The following DIP2C variants were observed in gnomAD, a reference collection of about 807,000 sequenced individuals.
DIP2C encodes the protein DIP2 acetate--CoA ligase C (putative).
In DIP2C, 33 loss-of-function variants were observed where a neutral mutation model predicts 192.4. That is an observed-to-expected ratio of 0.17 (90% confidence interval 0.13 to 0.23). The LOEUF is 0.23. Among genes scored for constraint, DIP2C ranks in the 10% least tolerant of loss-of-function variants. DIP2C has a pLI of 1.00. For missense variants in DIP2C, 1,537 were observed against 2,110.1 expected (o/e 0.73, Z 5.32); for synonymous variants, 979 against 864.1 (o/e 1.13, Z -2.33).
At chr10:565,639 T>C (rs532243126) in intron 1 of DIP2C, among the ~76,000 whole-genome samples, 1 of 152,344 alleles carries the variant, frequency 6.6e-6, no homozygotes, top group South Asian at 2.1e-4. Flanking sequence ...AAATGGTGTG[T>C]TTCCCGTTTG....
intron 1 of DIP2C, among the ~76,000 whole-genome samples, chr10:503,614 G>T (rs1011433625): frequency 6.6e-6 from 1 of 152,196 alleles, no homozygotes; most frequent in Non-Finnish European, 1.5e-5. Flanking sequence ...AAACCAGTGG[G>T]TGCTAACCAC....
At chr10:648,764 G>C (rs566212761) in intron 1 of DIP2C, among the ~76,000 whole-genome samples, 1 of 147,482 alleles carries the variant, frequency 6.8e-6, no homozygotes, top group African/African-American at 2.5e-5. Context: ...GAGAACAGAG[G>C]GAAACTGAGT....
chr10:610,324 G>C (rs1220879075), intron 1 of DIP2C, among the ~76,000 whole-genome samples: 1 of 152,204 alleles, frequency 6.6e-6, no homozygotes, highest in Admixed American at 6.5e-5. Context: ...CATGGGGAGA[G>C]GCTGGTAAGG....
chr10:618,838 G>A (rs7908574), intron 1 of DIP2C, among the ~76,000 whole-genome samples: 5,141 of 152,290 alleles, frequency 0.034, 281 homozygotes, highest in African/African-American at 0.11. Context: ...GGCTGAAGCC[G>A]CACGATCGCC....
intron 1 of DIP2C, among the ~76,000 whole-genome samples, chr10:574,510 G>T (rs1269735643): frequency 6.6e-6 from 1 of 152,112 alleles, no homozygotes; most frequent in African/African-American, 2.4e-5. Flanking sequence ...CAGCTAAATG[G>T]AAACAGGGTA....
At chr10:369,447 A>G in intron 18 of DIP2C, 47 bp downstream of exon 18, 1 of 1,480,896 alleles carries the variant, frequency 6.8e-7, no homozygotes, top group Non-Finnish European at 9.0e-7. Flanking sequence ...GTGTTAGAAA[A>G]GCATTTAATA....
intron 3 of DIP2C, among the ~76,000 whole-genome samples, chr10:453,628 T>C (rs531176077): frequency 1.4e-4 from 22 of 152,318 alleles, no homozygotes; most frequent in South Asian, 2.1e-4. Context: ...AAATGGAAGA[T>C]GATTCTAGTT....
intron 1 of DIP2C, among the ~76,000 whole-genome samples, chr10:496,620 A>G (rs1008705422): frequency 6.7e-6 from 1 of 149,882 alleles, no homozygotes; most frequent in African/African-American, 2.5e-5. Context: ...GCAATACCCC[A>G]AACAACATGA....
At chr10:338,647 C>A (rs1023682284) in intron 29 of DIP2C, among the ~76,000 whole-genome samples, 1 of 152,198 alleles carries the variant, frequency 6.6e-6, no homozygotes, top group Non-Finnish European at 1.5e-5. Context: ...CCATTTGGAA[C>A]GTACCCCCAT....
At chr10:556,662 C>T (rs917393094) in intron 1 of DIP2C, among the ~76,000 whole-genome samples, 1 of 152,040 alleles carries the variant, frequency 6.6e-6, no homozygotes, top group Admixed American at 6.5e-5. Context: ...TGGGGCCTGG[C>T]CCTGCATCCT....
At chr10:552,670 G>C (rs1246557981) in intron 1 of DIP2C, among the ~76,000 whole-genome samples, 1 of 152,212 alleles carries the variant, frequency 6.6e-6, no homozygotes, top group East Asian at 1.9e-4. Flanking sequence ...CTAACACGGT[G>C]AAACCCCGTC....
chr10:607,521 T>G (rs2131738147), intron 1 of DIP2C, among the ~76,000 whole-genome samples: 1 of 152,342 alleles, frequency 6.6e-6, no homozygotes, highest in Admixed American at 6.5e-5. Flanking sequence ...TATGAGCACG[T>G]ATGCTCCCTG....
At chr10:566,152 C>G (rs1849456624) in intron 1 of DIP2C, among the ~76,000 whole-genome samples, 1 of 152,208 alleles carries the variant, frequency 6.6e-6, no homozygotes, top group African/African-American at 2.4e-5. Flanking sequence ...TAGTAGTTTA[C>G]ATTTTAGAGT....
chr10:449,920 C>CAAAAAAAAAAAAAAAAAA (rs59135780), intron 3 of DIP2C, among the ~76,000 whole-genome samples: 1 of 135,908 alleles, frequency 7.4e-6, no homozygotes, highest in African/African-American at 3.0e-5. Flanking sequence ...TCAACAACAA[C>CAAAAAAAAAAAAAAAAAA]AAAAAAAAAA....
intron 1 of DIP2C, among the ~76,000 whole-genome samples, chr10:621,593 G>A (rs922008665): frequency 1.4e-4 from 21 of 152,162 alleles, no homozygotes; most frequent in African/African-American, 4.8e-4. Flanking sequence ...GGAAGGATGC[G>A]ATGGGCACTG....
At chr10:607,457 A>G (rs1282146514) in intron 1 of DIP2C, among the ~76,000 whole-genome samples, 1 of 152,148 alleles carries the variant, frequency 6.6e-6, no homozygotes, top group Non-Finnish European at 1.5e-5. Context: ...GTATCCCTCT[A>G]TAACATCAGA....
In DIP2C at chr10:448,366, TCCC is replaced by T. The variant is rs1968496306; in HGVS notation, c.269-7373_269-7371del. On this transcript the variant is annotated intron_variant, in intron 3 of 36. Transcript: ENST00000280886. ...CAGTGGGGCAGCAGGACCCACTCAC[TCCC>T]GTCGATACTCAGGATCACACGCAGT... 5.3e-5 allele frequency among the ~76,000 whole-genome samples: 5 copies of T among 95,060 alleles called. 1 individual carries two copies. Among genetic ancestry groups the T allele is most frequent in the African/African-American group, 2.5e-4 (5 of 20,402 alleles). 62.4% of individuals were successfully genotyped at this position (95,060 alleles called of 152,430 possible).
At chr10:592,124 TCA>T (rs1233415502) in intron 1 of DIP2C, among the ~76,000 whole-genome samples, 2 of 152,222 alleles carry the variant, frequency 1.3e-5, no homozygotes, top group African/African-American at 4.8e-5. Flanking sequence ...TTAGACATTC[TCA>T]CATTTCTGTA....
intron 1 of DIP2C, among the ~76,000 whole-genome samples, chr10:493,220 A>C (rs1404144943): frequency 6.6e-6 from 1 of 152,190 alleles, no homozygotes; most frequent in African/African-American, 2.4e-5. Flanking sequence ...AACTTGCTAA[A>C]AACTCTTCAG....
Sources: gnomAD v4.1 joint callset for allele counts (sites outside exome capture counted in the v4.1 genomes callset) on GRCh38, gnomAD v4.1.1 for gene constraint, MANE v1.5 for transcripts, NCBI Gene and HGNC (gene_info 2026-07-23, HGNC 2026-07-21) for gene names.